The following PCDHGB7 variants were observed in gnomAD, a reference collection of about 807,000 sequenced individuals.
The protein encoded by PCDHGB7 is protocadherin gamma-B7.
In PCDHGB7, 37 loss-of-function variants were observed where a neutral mutation model predicts 61.4. The observed-to-expected ratio is 0.60, with a 90% CI of 0.46 to 0.79. PCDHGB7 has a LOEUF of 0.79. PCDHGB7 is among the 30% of genes least tolerant of loss of function. PCDHGB7 has a pLI of 0.00. For missense variants in PCDHGB7, 1,166 were observed against 1,202.5 expected, an observed-to-expected ratio of 0.97 and a Z score of 0.45; for synonymous variants, 464 against 503.5, an observed-to-expected ratio of 0.92 and a Z score of 1.05.
chr5:141,456,942 A>C (rs11737987), intron 1 of PCDHGB7, among the ~76,000 whole-genome samples: 42,405 of 152,066 alleles, frequency 0.28, 6,638 homozygotes, highest in African/African-American at 0.43. Flanking sequence ...CAGCCTGGGC[A>C]ACAGAGCAAA....
In PCDHGB7 at chr5:141,431,620, G is replaced by T; in HGVS notation, c.2415+11346G>T. 6.2e-7 allele frequency: 1 copy of T among 1,614,232 alleles called. No individual in the cohort carries two copies. The highest frequency in any genetic ancestry group is 8.5e-7 in the Non-Finnish European group (1 of 1,180,050). Reference sequence around the variant, plus strand: ...ATTCCTTCCGGTATGTGGACGACAAGGCGGCCCAAGTTTTCAAACTAGATT... The same window carrying T: ...ATTCCTTCCGGTATGTGGACGACAATGCGGCCCAAGTTTTCAAACTAGATT... On this transcript the variant is annotated intron_variant, in intron 1 of 3. Transcript: ENST00000398594. The surrounding 1 kb of genome is among the most constrained non-coding windows in gnomAD (Gnocchi z 4.8).
At position 141,432,999 on chromosome 5, in the gene PCDHGB7, A is replaced by G. The variant is rs745921704; in HGVS notation, c.2415+12725A>G. The G allele has an allele frequency of 1.1e-5, 17 of 1,614,046 alleles. No individual in the cohort carries two copies. Among genetic ancestry groups the G allele is most frequent in the East Asian group, 4.5e-5 (2 of 44,862 alleles). On this transcript the variant is annotated intron_variant, in intron 1 of 3. Coordinates refer to ENST00000398594, the MANE Select transcript of PCDHGB7 (RefSeq NM_018927.4). This position sits in a 1 kb window ranked among gnomAD's most constrained non-coding sequence, Gnocchi z 6.0. ...CACTTTGTGGGCGTGGACGGGGTGC[A>G]GGCTTTCCTGCAGACCTATTCCCAC...
At chr5:141,499,779 C>T (rs1450026011) in intron 2 of PCDHGB7, among the ~76,000 whole-genome samples, 3 of 151,452 alleles carry the variant, frequency 2.0e-5, no homozygotes, top group Non-Finnish European at 4.4e-5. Flanking sequence ...CTTCGCCTCC[C>T]GGGTTCAAGC....
Position 141,435,556 on chromosome 5 carries a change from G to C in PCDHGB7, c.2415+15282G>C, listed in dbSNP as rs568743865. ...AGAATTAACAAAATGTGTTTTGAGT[G>C]CTTTTTTTAGTACTGGGGCAAATTT... is the stretch of plus-strand genomic sequence containing the variant. On this transcript the variant is annotated intron_variant, in intron 1 of 3. Transcript: ENST00000398594. Among the ~76,000 whole-genome samples, 7 of 152,242 alleles carry C rather than the reference G, an allele frequency of 4.6e-5. 1 individual carries two copies. Among genetic ancestry groups the C allele is most frequent in the African/African-American group, 1.4e-4 (6 of 41,544 alleles).
chr5:141,479,806 G>A (rs1188862048), intron 1 of PCDHGB7, among the ~76,000 whole-genome samples: 1 of 152,182 alleles, frequency 6.6e-6, no homozygotes, highest in Non-Finnish European at 1.5e-5. Context: ...AGGGTGGTAT[G>A]CAAGGATACT....
At chr5:141,496,838 T>C (rs182118142) in intron 2 of PCDHGB7, among the ~76,000 whole-genome samples, 39 of 150,790 alleles carry the variant, frequency 2.6e-4, no homozygotes, top group African/African-American at 8.3e-4. Flanking sequence ...CCAGAACTCA[T>C]AGGCTTCCAG....
Position 141,432,076 on chromosome 5 carries a change from G to T in PCDHGB7, c.2415+11802G>T. ...CCCTATCCACGGAAACTCATATCTC[G>T]CTGAACGTGGCAGACACCAACGACA... On this transcript the variant is annotated intron_variant, in intron 1 of 3. Transcript: ENST00000398594. This position sits in a 1 kb window ranked among gnomAD's most constrained non-coding sequence, Gnocchi z 6.0. 1.2e-6 allele frequency: 2 copies of T among 1,614,160 alleles called. No homozygotes were observed. Among genetic ancestry groups the T allele is most frequent in the Non-Finnish European group, 1.7e-6 (2 of 1,180,024 alleles).
At position 141,477,505 on chromosome 5, in the gene PCDHGB7, C is replaced by T. The variant is rs2099412175; in HGVS notation, c.2416-17302C>T. The T allele has an allele frequency of 5.0e-6, 8 of 1,614,126 alleles. No individual in the cohort carries two copies. Among genetic ancestry groups the T allele is most frequent in the Admixed American group, 1.7e-5 (1 of 60,024 alleles). On this transcript the variant is annotated intron_variant, in intron 1 of 3. Transcript: ENST00000398594. This position sits in a 1 kb window ranked among gnomAD's most constrained non-coding sequence, Gnocchi z 4.9. ...CACAATCTTCTCAATCTTCCTACGACGTTTACATTGAAGAAAACAACCTCC... is the reference window on the plus strand; with the variant it reads ...CACAATCTTCTCAATCTTCCTACGATGTTTACATTGAAGAAAACAACCTCC...
chr5:141,490,061 A>G lies in PCDHGB7; in HGVS notation c.2416-4746A>G, dbSNP rs1562135413. On this transcript the variant is annotated intron_variant, in intron 1 of 3. Transcript: ENST00000398594. This position sits in a 1 kb window ranked among gnomAD's most constrained non-coding sequence, Gnocchi z 5.4. Reference sequence around the variant, plus strand: ...GCCACTGATCCAGACGAGGGCACCAACGGCCAACTAGACTATTCTTTTGGA... The same window carrying G: ...GCCACTGATCCAGACGAGGGCACCAGCGGCCAACTAGACTATTCTTTTGGA... 1.2e-6 allele frequency: 2 copies of G among 1,614,214 alleles called. No individual in the cohort carries two copies. Among genetic ancestry groups the G allele is most frequent in the East Asian group, 2.2e-5 (1 of 44,884 alleles).
At chr5:141,462,203 G>T (rs544238255) in intron 1 of PCDHGB7, among the ~76,000 whole-genome samples, 2 of 152,036 alleles carry the variant, frequency 1.3e-5, no homozygotes, top group African/African-American at 4.8e-5. Flanking sequence ...CAGGTGATCC[G>T]CCTGCCTCGG....
chr5:141,457,079 C>T (rs114054058), intron 1 of PCDHGB7, among the ~76,000 whole-genome samples: 2,973 of 152,194 alleles, frequency 0.02, 43 homozygotes, highest in African/African-American at 0.029. Flanking sequence ...AACTATTATC[C>T]CTGCTATAAG....
In PCDHGB7 at chr5:141,485,062, C is replaced by T. The variant is rs2099606141; in HGVS notation, c.2416-9745C>T. 2.3e-6 allele frequency: 2 copies of T among 876,222 alleles called. No individual in the cohort carries two copies. Among genetic ancestry groups the T allele is most frequent in the Non-Finnish European group, 3.6e-6 (2 of 552,684 alleles). 54.3% of individuals were successfully genotyped at this position (876,222 alleles called of 1,614,324 possible). ...CCTTGCGGCGCCGGCCGAACCGCGCCAGAGCTGGCGCGGGGAAAGGGAGAT... is the reference window on the plus strand; with the variant it reads ...CCTTGCGGCGCCGGCCGAACCGCGCTAGAGCTGGCGCGGGGAAAGGGAGAT... On this transcript the variant is annotated intron_variant, in intron 1 of 3. Coordinates refer to ENST00000398594, the MANE Select transcript of PCDHGB7 (RefSeq NM_018927.4). The surrounding 1 kb of genome is among the most constrained non-coding windows in gnomAD (Gnocchi z 5.7).
At chr5:141,478,442 C>G (rs1245219009) in intron 1 of PCDHGB7, 1 of 1,613,608 alleles carries the variant, frequency 6.2e-7, no homozygotes, top group Non-Finnish European at 8.5e-7. Flanking sequence ...GCTGAAGAAA[C>G]CTGGTGCAGC....
Position 141,487,552 on chromosome 5 carries a change from A to C in PCDHGB7, c.2416-7255A>C. On this transcript the variant is annotated intron_variant, in intron 1 of 3. Coordinates refer to ENST00000398594, the MANE Select transcript of PCDHGB7 (RefSeq NM_018927.4). The surrounding 1 kb of genome is among the most constrained non-coding windows in gnomAD (Gnocchi z 5.0). ...TCATGATGGTGAAGTCACCCAGTGC[A>C]CCTATGGCAGGGGAGCCTGTTCGCC... is the stretch of plus-strand genomic sequence containing the variant. 2 of 1,614,116 alleles carry C rather than the reference A, an allele frequency of 1.2e-6. No homozygotes were observed. The highest frequency in any genetic ancestry group is 1.7e-6 in the Non-Finnish European group (2 of 1,180,024).
intron 1 of PCDHGB7, chr5:141,468,556 GAT>G (rs754546771): frequency 6.6e-6 from 1 of 151,930 alleles, no homozygotes; most frequent in Non-Finnish European, 1.5e-5. Flanking sequence ...TAACATTTGT[GAT>G]ATAGTAAACA....
intron 1 of PCDHGB7, chr5:141,468,330 C>CAAAAAA (rs533390277): frequency 1.3e-5 from 1 of 79,878 alleles, no homozygotes. Context: ...AACTCCATCT[C>CAAAAAA]AAAAAAAAAA....
At position 141,490,293 on chromosome 5, in the gene PCDHGB7, ATTG is replaced by A; in HGVS notation, c.2416-4513_2416-4511del. The A allele has an allele frequency of 1.9e-6, 3 of 1,614,190 alleles. No individual in the cohort carries two copies. Among genetic ancestry groups the A allele is most frequent in the Non-Finnish European group, 2.5e-6 (3 of 1,180,028 alleles). On this transcript the variant is annotated intron_variant, in intron 1 of 3. Coordinates refer to ENST00000398594, the MANE Select transcript of PCDHGB7 (RefSeq NM_018927.4). The surrounding 1 kb of genome is among the most constrained non-coding windows in gnomAD (Gnocchi z 5.4). ...TCAATGACAATGCCCCAGAGGTGCTATTGGCCTCTTTGGCCAACCCTGTCCTAG... is the reference window on the plus strand; with the variant it reads ...TCAATGACAATGCCCCAGAGGTGCTAGCCTCTTTGGCCAACCCTGTCCTAG...
Position 141,491,543 on chromosome 5 carries a change from A to G in PCDHGB7, c.2416-3264A>G. 6.2e-7 allele frequency: 1 copy of G among 1,613,842 alleles called. No individual in the cohort carries two copies. The highest frequency in any genetic ancestry group is 8.5e-7 in the Non-Finnish European group (1 of 1,179,982). ...ATGGAGGTGACGCTGCGGCCCACAG[A>G]CTCGCAGAGCCACTGCTACAGGACG... On this transcript the variant is annotated intron_variant, in intron 1 of 3. Coordinates refer to ENST00000398594, the MANE Select transcript of PCDHGB7 (RefSeq NM_018927.4). The surrounding 1 kb of genome is among the most constrained non-coding windows in gnomAD (Gnocchi z 6.9).
chr5:141,476,318 G>T lies in PCDHGB7; in HGVS notation c.2416-18489G>T. 3 of 1,614,202 alleles carry T rather than the reference G, an allele frequency of 1.9e-6. No homozygotes were observed. The highest frequency in any genetic ancestry group is 2.5e-6 in the Non-Finnish European group (3 of 1,180,052). The stretch of plus-strand genomic sequence containing the variant: ...TAGCCTCTCAGCCCGCAGGTTCCGG[G>T]TGGTGTCTGGAGCTAGCCGAAGATT... On this transcript the variant is annotated intron_variant, in intron 1 of 3. Transcript: ENST00000398594. This position sits in a 1 kb window ranked among gnomAD's most constrained non-coding sequence, Gnocchi z 7.6.
Sources: allele counts gnomAD v4.1 joint callset (sites outside exome capture counted in the v4.1 genomes callset), GRCh38; gene constraint gnomAD v4.1.1; non-coding constraint Gnocchi (gnomAD v3.1); transcripts MANE v1.5; gene names NCBI Gene and HGNC (gene_info 2026-07-23, HGNC 2026-07-21).